LYPD6: variants seen among roughly 807,000 people sequenced by gnomAD.
LYPD6 encodes LY6/PLAUR domain containing 6, also known as ly6/PLAUR domain-containing protein 6.
In LYPD6, 15 loss-of-function variants were observed where a neutral mutation model predicts 22.7. The ratio of observed to expected loss-of-function variants is 0.66; its 90% CI spans 0.44 to 1.02. The LOEUF (loss-of-function observed/expected upper bound fraction) is 1.02, where lower values mean the gene tolerates loss of function less well. Among genes scored for constraint, LYPD6 ranks in the 50% least tolerant of loss-of-function variants. LYPD6 has a pLI of 0.00. For synonymous variants in LYPD6, 72 were observed against 77.5 expected (o/e 0.93, Z 0.37); for missense variants, 189 against 208.4 (o/e 0.91, Z 0.57).
chr2:149,368,129 G>C (rs1164614765), intron 1 of LYPD6: 1 of 152,190 alleles, frequency 6.6e-6, no homozygotes, highest in Non-Finnish European at 1.5e-5. Flanking sequence ...TGAGCACAGA[G>C]GCTGTAAACC....
chr2:149,421,095 C>T (rs1683068081), intron 1 of LYPD6, among the ~76,000 whole-genome samples: 1 of 152,108 alleles, frequency 6.6e-6, no homozygotes, highest in Non-Finnish European at 1.5e-5. Flanking sequence ...TTGATACCCT[C>T]TTTCTTTAAT....
chr2:149,399,006 C>T (rs959688466), intron 1 of LYPD6, among the ~76,000 whole-genome samples: 3 of 151,940 alleles, frequency 2.0e-5, no homozygotes, highest in Non-Finnish European at 4.4e-5. Flanking sequence ...AAGATGACTT[C>T]CTTTATTCAT....
At chr2:149,427,880 G>C (rs905039783) in intron 1 of LYPD6, among the ~76,000 whole-genome samples, 27 of 152,212 alleles carry the variant, frequency 1.8e-4, no homozygotes, top group African/African-American at 6.3e-4. Flanking sequence ...GACATCATTT[G>C]CCCTTCAGGA....
In LYPD6 at chr2:149,470,835, A is replaced by AG; in HGVS notation, c.504dup (p.Leu169AlafsTer56). The AG allele has an allele frequency of 6.2e-7, 1 of 1,612,870 alleles. No homozygotes were observed. Among genetic ancestry groups the AG allele is most frequent in the Non-Finnish European group, 8.5e-7 (1 of 1,179,198 alleles). ...TAGTGTCCTGCTTGTGGTTGTGGTTAGGGCTCATGTTATAGTGGCTCAGTG... is the reference window on the plus strand; with the variant it reads ...TAGTGTCCTGCTTGTGGTTGTGGTTAGGGGCTCATGTTATAGTGGCTCAGTG... On this transcript the variant is annotated frameshift_variant, in exon 5 of 5. Transcript: ENST00000334166. LOFTEE classifies it high-confidence loss of function.
intron 3 of LYPD6, among the ~76,000 whole-genome samples, chr2:149,451,185 C>A (rs1683798406): frequency 6.6e-6 from 1 of 152,142 alleles, no homozygotes. Flanking sequence ...CAAGGTGACA[C>A]CTTGCTGCTG....
At chr2:149,485,337 A>G in the LYPD6 span, among the ~76,000 whole-genome samples, 1 of 152,188 alleles carries the variant, frequency 6.6e-6, no homozygotes, top group Non-Finnish European at 1.5e-5. Context: ...GTGAATCACA[A>G]TTGCAACTTT....
chr2:149,399,805 C>T (rs1171117663), intron 1 of LYPD6, among the ~76,000 whole-genome samples: 1 of 151,922 alleles, frequency 6.6e-6, no homozygotes, highest in Non-Finnish European at 1.5e-5. Flanking sequence ...CAGTCTAACA[C>T]ACCCAAAATG....
At chr2:149,446,323 A>G (rs138813942) in intron 2 of LYPD6, among the ~76,000 whole-genome samples, 220 of 152,326 alleles carry the variant, frequency 1.4e-3, no homozygotes, top group African/African-American at 5.0e-3. Context: ...AGCACGTGCA[A>G]TTGGAAAATG....
At chr2:149,479,039 C>A (rs1196673), downstream of LYPD6, among the ~76,000 whole-genome samples, 6 of 151,932 alleles carry the variant, frequency 3.9e-5, no homozygotes, top group East Asian at 1.9e-4. Context: ...ACTCTTTATA[C>A]CAGTCCAGTC....
intron 1 of LYPD6, among the ~76,000 whole-genome samples, chr2:149,392,516 C>T (rs1682334785): frequency 6.6e-6 from 1 of 152,188 alleles, no homozygotes; most frequent in South Asian, 2.1e-4. Flanking sequence ...TGGAAACTCA[C>T]AGGGTAACCA....
intron 1 of LYPD6, among the ~76,000 whole-genome samples, chr2:149,436,218 G>A (rs1683427552): frequency 6.6e-6 from 1 of 152,100 alleles, no homozygotes; most frequent in Admixed American, 6.5e-5. Context: ...TTTTTACAAA[G>A]TAATTATGCT....
chr2:149,357,361 C>T (rs1001903354), intron 1 of LYPD6, among the ~76,000 whole-genome samples: 2 of 152,210 alleles, frequency 1.3e-5, no homozygotes, highest in South Asian at 2.1e-4. Flanking sequence ...AGTCTCCTGA[C>T]ACTTTTTTCC....
intron 3 of LYPD6, among the ~76,000 whole-genome samples, chr2:149,467,095 A>G (rs1681217838): frequency 6.6e-6 from 1 of 152,216 alleles, no homozygotes; most frequent in Non-Finnish European, 1.5e-5. Context: ...CAGAAAAGCA[A>G]TCACTCCAAT....
chr2:149,337,404 T>G (rs1325758770), intron 1 of LYPD6, among the ~76,000 whole-genome samples: 2 of 152,178 alleles, frequency 1.3e-5, no homozygotes, highest in Non-Finnish European at 2.9e-5. Flanking sequence ...CAAAAGTGGT[T>G]TGTGCTGGTC....
chr2:149,456,486 T>G (rs541954599), intron 3 of LYPD6, among the ~76,000 whole-genome samples: 3 of 152,276 alleles, frequency 2.0e-5, no homozygotes, highest in African/African-American at 7.2e-5. Flanking sequence ...CTACCTGCTC[T>G]CAAATTCTTA....
chr2:149,468,327 G>A (rs1196659), intron 3 of LYPD6, among the ~76,000 whole-genome samples: 3 of 151,946 alleles, frequency 2.0e-5, no homozygotes, highest in Admixed American at 6.6e-5. Context: ...AATCATCCCC[G>A]CAAAACCACT....
downstream of LYPD6, among the ~76,000 whole-genome samples, chr2:149,474,834 C>T (rs2105189244): frequency 6.6e-6 from 1 of 152,198 alleles, no homozygotes; most frequent in South Asian, 2.1e-4. Flanking sequence ...ATGGCATGAT[C>T]TCACACTTAC....
At chr2:149,381,300 G>T (rs1364140772) in intron 1 of LYPD6, among the ~76,000 whole-genome samples, 2 of 152,180 alleles carry the variant, frequency 1.3e-5, no homozygotes, top group Admixed American at 1.3e-4. Context: ...TTTATTGCTG[G>T]TACTGATGTA....
chr2:149,358,987 T>C (rs1681518811), intron 1 of LYPD6, among the ~76,000 whole-genome samples: 1 of 152,200 alleles, frequency 6.6e-6, no homozygotes, highest in Non-Finnish European at 1.5e-5. Flanking sequence ...TTTATTATTC[T>C]TTAAATAAAA....
Sources: gnomAD v4.1 joint callset for allele counts (sites outside exome capture counted in the v4.1 genomes callset) on GRCh38, gnomAD v4.1.1 for gene constraint, MANE v1.5 for transcripts, NCBI Gene and HGNC (gene_info 2026-07-23, HGNC 2026-07-21) for gene names.